CTNNA2: variants seen among roughly 807,000 people sequenced by gnomAD.
The protein encoded by CTNNA2 is catenin alpha-2.
CTNNA2 carries 42 observed loss-of-function variants against 101.0 expected under a neutral mutation model. The observed-to-expected ratio is 0.42, with a 90% CI of 0.32 to 0.54. The LOEUF (loss-of-function observed/expected upper bound fraction) is 0.54. Among genes scored for constraint, CTNNA2 ranks in the 20% least tolerant of loss-of-function variants. The pLI is 0.14. For synonymous variants in CTNNA2, 450 were observed against 456.4 expected (o/e 0.99, Z 0.18); for missense variants, 871 against 1,223.1 (o/e 0.71, Z 4.29).
rs189915518 is a variant in CTNNA2, at chr2:79,879,966, A to G, written c.852+5624A>G. On this transcript the variant is annotated intron_variant, in intron 6 of 18. Transcript: ENST00000402739. Reference sequence around the variant, plus strand: ...TATTGGTTGTGGGTTTGTCATGAATAACTCTTGTTATTTTGAGGTATGTTC... The same window carrying G: ...TATTGGTTGTGGGTTTGTCATGAATGACTCTTGTTATTTTGAGGTATGTTC... 1.5e-3 allele frequency among the ~76,000 whole-genome samples: 235 copies of G among 152,226 alleles called. 1 individual carries two copies. The highest frequency in any genetic ancestry group is 5.5e-3 in the African/African-American group (227 of 41,546).
chr2:79,498,948 A>AG (rs1671288121), intron 4 of CTNNA2: 2 of 152,214 alleles, frequency 1.3e-5, no homozygotes, highest in Admixed American at 6.5e-5. Flanking sequence ...CAGAACGTTC[A>AG]ATTTAAGCCA....
intron 2 of CTNNA2, among the ~76,000 whole-genome samples, chr2:79,228,707 T>C (rs962609206): frequency 1.3e-5 from 2 of 152,164 alleles, no homozygotes; most frequent in African/African-American, 4.8e-5. Flanking sequence ...GCTGTCTGTT[T>C]ACTCTGTTGA....
intron 9 of CTNNA2, among the ~76,000 whole-genome samples, chr2:80,451,554 A>T (rs1030647205): frequency 6.6e-6 from 1 of 152,182 alleles, no homozygotes; most frequent in African/African-American, 2.4e-5. Flanking sequence ...CCTATAGCAG[A>T]TGCTTCCATG....
intron 1 of CTNNA2, among the ~76,000 whole-genome samples, chr2:79,589,882 ACAAAAATGTT>A (rs1183134887): frequency 1.3e-5 from 2 of 152,206 alleles, no homozygotes; most frequent in African/African-American, 2.4e-5. Flanking sequence ...CTTGGCTAGC[ACAAAAATGTT>A]CAGCCTAAAA....
chr2:79,399,526 A>G (rs1256842950), intron 4 of CTNNA2, among the ~76,000 whole-genome samples: 1 of 152,150 alleles, frequency 6.6e-6, no homozygotes, highest in African/African-American at 2.4e-5. Context: ...GTAACCAAAT[A>G]GAAATATCAT....
intron 7 of CTNNA2, among the ~76,000 whole-genome samples, chr2:80,025,382 T>C (rs1490227387): frequency 2.0e-5 from 3 of 152,056 alleles, no homozygotes; most frequent in Admixed American, 6.5e-5. Flanking sequence ...TAAGGAAGCA[T>C]AGGAAGGAAC....
intron 9 of CTNNA2, among the ~76,000 whole-genome samples, chr2:80,491,693 G>A (rs1051404629): frequency 1.3e-5 from 2 of 152,134 alleles, no homozygotes; most frequent in Non-Finnish European, 2.9e-5. Context: ...GAGAGTTCTG[G>A]TTTATACCTG....
In CTNNA2 at chr2:79,690,418, C is replaced by T. The variant is rs555859125; in HGVS notation, c.102+38760C>T. 8.6e-5 allele frequency among the ~76,000 whole-genome samples: 13 copies of T among 152,010 alleles called. 1 individual carries two copies. The highest frequency in any genetic ancestry group is 2.2e-4 in the African/African-American group (9 of 41,500). On this transcript the variant is annotated intron_variant, in intron 2 of 18. Transcript: ENST00000402739. ...AGAATGTGTCACCAGTATTTCCATA[C>T]GAAAGGAAATACTTCCAGCTTCATC... is the stretch of plus-strand genomic sequence containing the variant.
intron 1 of CTNNA2, among the ~76,000 whole-genome samples, chr2:79,633,013 G>C (rs149759887): frequency 3.9e-5 from 6 of 152,176 alleles, no homozygotes; most frequent in Admixed American, 3.3e-4. Context: ...TCACTGGGGG[G>C]CTGTAGTTTG....
chr2:80,006,781 T>A (rs1211573635), intron 7 of CTNNA2, among the ~76,000 whole-genome samples: 1 of 152,182 alleles, frequency 6.6e-6, no homozygotes, highest in African/African-American at 2.4e-5. Context: ...GTAAGTTGCT[T>A]TGAAATGTCT....
At chr2:80,222,815 T>C (rs1708643843) in intron 7 of CTNNA2, among the ~76,000 whole-genome samples, 1 of 152,214 alleles carries the variant, frequency 6.6e-6, no homozygotes, top group African/African-American at 2.4e-5. Flanking sequence ...TCTTACACAG[T>C]TGGATTTGCA....
chr2:79,222,821 G>A (rs992230917), intron 2 of CTNNA2, among the ~76,000 whole-genome samples: 3 of 151,972 alleles, frequency 2.0e-5, no homozygotes, highest in Non-Finnish European at 4.4e-5. Flanking sequence ...TCAGAAGGGT[G>A]GAGCTCTCAT....
intron 7 of CTNNA2, among the ~76,000 whole-genome samples, chr2:80,145,230 C>T (rs1341264726): frequency 6.6e-6 from 1 of 152,098 alleles, no homozygotes; most frequent in African/African-American, 2.4e-5. Context: ...TTTATAGACC[C>T]ACAAGGCTGT....
intron 7 of CTNNA2, chr2:80,029,325 G>A (rs1180042897): frequency 6.6e-6 from 1 of 152,218 alleles, no homozygotes. Flanking sequence ...CTCTGTGAGA[G>A]TTTCACTTGC....
intron 2 of CTNNA2, among the ~76,000 whole-genome samples, chr2:79,309,870 C>T (rs1368569766): frequency 6.6e-6 from 1 of 152,154 alleles, no homozygotes; most frequent in Middle Eastern, 3.2e-3. Context: ...GTACATTTCT[C>T]CTTTGCTTCA....
At chr2:79,249,308 C>A (rs1572998494) in intron 2 of CTNNA2, among the ~76,000 whole-genome samples, 2 of 152,312 alleles carry the variant, frequency 1.3e-5, no homozygotes, top group Non-Finnish European at 1.5e-5. Flanking sequence ...ATCATCTCTA[C>A]CATTTCCCCC....
intron 3 of CTNNA2, among the ~76,000 whole-genome samples, chr2:79,788,290 G>A (rs1292578153): frequency 6.6e-6 from 1 of 152,228 alleles, no homozygotes; most frequent in South Asian, 2.1e-4. Flanking sequence ...AGAAATAATG[G>A]CAATGGAATT....
At chr2:79,952,710 A>T (rs1339007973) in intron 7 of CTNNA2, among the ~76,000 whole-genome samples, 1 of 152,202 alleles carries the variant, frequency 6.6e-6, no homozygotes, top group Non-Finnish European at 1.5e-5. Flanking sequence ...AAACTTGAGA[A>T]CAGGGCTGGC....
At chr2:80,351,166 A>C (rs1673255590) in intron 7 of CTNNA2, among the ~76,000 whole-genome samples, 1 of 151,810 alleles carries the variant, frequency 6.6e-6, no homozygotes, top group Non-Finnish European at 1.5e-5. Context: ...TAAAAATGAA[A>C]CACATACACA....
Sources: gnomAD v4.1 joint callset for allele counts (sites outside exome capture counted in the v4.1 genomes callset) on GRCh38, gnomAD v4.1.1 for gene constraint, MANE v1.5 for transcripts, NCBI Gene and HGNC (gene_info 2026-07-23, HGNC 2026-07-21) for gene names.